HLA-DOA: variants seen among roughly 807,000 people sequenced by gnomAD.
The protein encoded by HLA-DOA is HLA class II histocompatibility antigen, DO alpha chain.
HLA-DOA carries 27 observed loss-of-function variants against 22.9 expected under a neutral mutation model. The observed-to-expected ratio is 1.18, with a 90% CI of 0.87 to 1.62. HLA-DOA has a LOEUF of 1.62. Ranked by LOEUF, HLA-DOA falls within the 40% of genes most tolerant of loss-of-function variation. HLA-DOA has a pLI of 0.00. For synonymous variants in HLA-DOA, 137 were observed against 138.6 expected, an observed-to-expected ratio of 0.99 and a Z score of 0.08; for missense variants, 324 against 332.4, an observed-to-expected ratio of 0.97 and a Z score of 0.20.
chr6:33,007,813 C>A (rs980242896), intron 2 of HLA-DOA, 200 bp downstream of exon 2: 4 of 848,114 alleles, frequency 4.7e-6, no homozygotes, highest in African/African-American at 1.7e-5. Context: ...GGCGGGAGTC[C>A]GGGTGAGAGG....
chr6:33,009,571 C>T lies in HLA-DOA; in HGVS notation c.-35G>A. 6.6e-7 allele frequency: 1 copy of T among 1,514,726 alleles called. No individual in the cohort carries two copies. Among genetic ancestry groups the T allele is most frequent in the Non-Finnish European group, 9.0e-7 (1 of 1,116,900 alleles). The allele number at this position is 1,514,726 out of a possible 1,614,324, so 93.8% of individuals were successfully genotyped here. On this transcript the variant is annotated 5_prime_UTR_variant, in exon 1 of 5. Transcript: ENST00000229829. The surrounding 1 kb of genome is among the most constrained non-coding windows in gnomAD (Gnocchi z 4.8). ...GTGCTTTAATCAAATCAGTCTCAGTCCGTGTGGTGAGGACAGGAACAAGGC... is the reference window on the plus strand; with the variant it reads ...GTGCTTTAATCAAATCAGTCTCAGTTCGTGTGGTGAGGACAGGAACAAGGC...
At position 33,007,103 on chromosome 6, in the gene HLA-DOA, G is replaced by A; in HGVS notation, c.726C>T (p.Gly242=). Residue 242 remains glycine (G), a synonymous_variant, in exon 4 of 5, where the codon GGC becomes GGT. Transcript: ENST00000229829. Reference sequence around the variant, plus strand: ...ACCTGGGGACACTGGACACATATGTGCCCATGATGATGAGGACGGTGCCCA... The same window carrying A: ...ACCTGGGGACACTGGACACATATGTACCCATGATGATGAGGACGGTGCCCA... ...FLVGTVLIIM[G]TYVSSVPR The A allele has an allele frequency of 1.1e-5, 17 of 1,613,522 alleles. No individual in the cohort carries two copies. Among genetic ancestry groups the A allele is most frequent in the Non-Finnish European group, 1.2e-5 (14 of 1,179,856 alleles).
Position 33,008,006 on chromosome 6 carries a change from C to T in HLA-DOA, c.331+7G>A. 1 of 1,608,806 alleles carries T rather than the reference C, an allele frequency of 6.2e-7. No individual in the cohort carries two copies. The highest frequency in any genetic ancestry group is 8.5e-7 in the Non-Finnish European group (1 of 1,177,250). On this transcript the variant is annotated splice_region_variant and intron_variant, in intron 2 of 4. Transcript: ENST00000229829. ...CCTGACTGGGTGGGCAGAGGGAGGG[C>T]CGGTACCGTTGATGGCTCTGCTGCG...
Position 33,006,760 on chromosome 6 carries a change from C to G in HLA-DOA, c.*78G>C. 6.2e-7 allele frequency: 1 copy of G among 1,612,500 alleles called. No homozygotes were observed. ...CACAGCGGGATGCACTTAAAGGGCA[C>G]TGAGCACGCAGGGGCTGTCACAAAC... On this transcript the variant is annotated 3_prime_UTR_variant, in exon 5 of 5. Transcript: ENST00000229829.
Position 33,009,378 on chromosome 6 carries a change from C to T in HLA-DOA, c.82+77G>A, listed in dbSNP as rs1780968395. 6 of 1,036,284 alleles carry T rather than the reference C, an allele frequency of 5.8e-6. No individual in the cohort carries two copies. The South Asian group carries it at 8.4e-5, about 14-fold the overall frequency. 64.2% of individuals were successfully genotyped at this position (1,036,284 alleles called of 1,614,324 possible). On this transcript the variant is annotated intron_variant, in intron 1 of 4. Coordinates refer to ENST00000229829, the MANE Select transcript of HLA-DOA (RefSeq NM_002119.4). This position sits in a 1 kb window ranked among gnomAD's most constrained non-coding sequence, Gnocchi z 4.8. Reference sequence around the variant, plus strand: ...CCAGAGAGCGAGAGGAACAAGCATCCTCCATGCCACCTCCTCATGTAACCC... The same window carrying T: ...CCAGAGAGCGAGAGGAACAAGCATCTTCCATGCCACCTCCTCATGTAACCC...
chr6:33,007,779 G>A lies in HLA-DOA; in HGVS notation c.332-187C>T, dbSNP rs986782637. The A allele has an allele frequency of 6.1e-6, 5 of 826,062 alleles. No individual in the cohort carries two copies. In the African/African-American group the frequency reaches 8.6e-5, roughly 14 times the overall value. 51.2% of individuals were successfully genotyped at this position (826,062 alleles called of 1,614,324 possible). A position where few individuals can be genotyped will look rare whatever the true frequency, so the allele number is the denominator to read the frequency against. On this transcript the variant is annotated intron_variant, in intron 2 of 4. Transcript: ENST00000229829. Reference sequence around the variant, plus strand: ...TGGGGAGGGAGTGGGGACGCCAGGAGCTCCTATATTTGACTGGTCCCTGGG... The same window carrying A: ...TGGGGAGGGAGTGGGGACGCCAGGAACTCCTATATTTGACTGGTCCCTGGG...
In HLA-DOA at chr6:33,007,554, C is replaced by A. The variant is rs1246476416; in HGVS notation, c.370G>T (p.Glu124Ter). 1.9e-6 allele frequency: 3 copies of A among 1,612,718 alleles called. No homozygotes were observed. Among genetic ancestry groups the A allele is most frequent in the Non-Finnish European group, 2.5e-6 (3 of 1,179,922 alleles). The change falls in exon 3 of 5, where the codon GAG (glutamate) becomes TAG (stop). Residue 124 changes from glutamate (E) to a stop codon, truncating the protein, a stop_gained. Transcript: ENST00000229829. LOFTEE classifies it high-confidence loss of function. ...ATGAGGATGTTGGGCTGGCCCAGCT[C>A]CACCCGAGACTTGGGGAGCACGGTC... ...RVTVLPKSRV[E>*]LGQPNILICI...
At chr6:33,007,943 G>A (rs369150) in intron 2 of HLA-DOA, 70 bp downstream of exon 2, 364,237 of 1,538,708 alleles carry the variant, frequency 0.24, 45,439 homozygotes, top group East Asian at 0.33. Context: ...AGTGATGGGA[G>A]CCTAGGAACT....
chr6:33,007,838 G>A (rs927448863), intron 2 of HLA-DOA, 175 bp downstream of exon 2: 5 of 945,182 alleles, frequency 5.3e-6, no homozygotes, highest in Non-Finnish European at 7.7e-6. Context: ...ATTCCTCAAG[G>A]AGAGGGGTGC....
chr6:33,007,924 G>T, intron 2 of HLA-DOA, 89 bp downstream of exon 2: 1 of 1,488,756 alleles, frequency 6.7e-7, no homozygotes, highest in Non-Finnish European at 9.0e-7. Context: ...CGCTGAGAGC[G>T]CGCCCCAGAG....
Position 33,006,672 on chromosome 6 carries a change from A to G in HLA-DOA, c.*166T>C. The G allele has an allele frequency of 9.9e-7, 1 of 1,013,518 alleles. No homozygotes were observed. Among genetic ancestry groups the G allele is most frequent in the Non-Finnish European group, 1.5e-6 (1 of 648,680 alleles). The allele number at this position is 1,013,518 out of a possible 1,614,324, so 62.8% of individuals were successfully genotyped here. A position where few individuals can be genotyped will look rare whatever the true frequency, so the allele number is the denominator to read the frequency against. ...TAGTAGGTGTCCAACAAACCCTGCC[A>G]TGAATACTGGGGCCAAAAAAGAGGG... On this transcript the variant is annotated 3_prime_UTR_variant, in exon 5 of 5. Coordinates refer to ENST00000229829, the MANE Select transcript of HLA-DOA (RefSeq NM_002119.4).
In HLA-DOA at chr6:33,009,341, G is replaced by T; in HGVS notation, c.82+114C>A. 1 of 639,300 alleles carries T rather than the reference G, an allele frequency of 1.6e-6. No homozygotes were observed. The highest frequency in any genetic ancestry group is 2.5e-6 in the Non-Finnish European group (1 of 395,452). 39.6% of individuals were successfully genotyped at this position (639,300 alleles called of 1,614,324 possible). A position where few individuals can be genotyped will look rare whatever the true frequency, so the allele number is the denominator to read the frequency against. ...GATTGGGTGTCTCTTGGTGAAGGAA[G>T]TTGCCCATAAACCAGAGAGCGAGAG... is the stretch of plus-strand genomic sequence containing the variant. On this transcript the variant is annotated intron_variant, in intron 1 of 4. Coordinates refer to ENST00000229829, the MANE Select transcript of HLA-DOA (RefSeq NM_002119.4). The surrounding 1 kb of genome is among the most constrained non-coding windows in gnomAD (Gnocchi z 4.8).
intron 1 of HLA-DOA, among the ~76,000 whole-genome samples, chr6:33,008,708 G>C (rs985263906): frequency 1.2e-4 from 18 of 152,098 alleles, no homozygotes; most frequent in African/African-American, 4.1e-4. Flanking sequence ...AACAGGCCAC[G>C]GCTGGCAGGG....
At chr6:33,006,966 C>G (rs1227590882) in intron 4 of HLA-DOA, 114 bp downstream of exon 4, 1 of 1,483,670 alleles carries the variant, frequency 6.7e-7, no homozygotes, top group Non-Finnish European at 9.3e-7. Flanking sequence ...TTCTCCCTGC[C>G]CATTTCTTTT....
In HLA-DOA at chr6:33,008,108, C is replaced by T. The variant is rs148303384; in HGVS notation, c.236G>A (p.Arg79His). 1.2e-3 allele frequency: 1,950 copies of T among 1,613,056 alleles called. 12 individuals carry two copies. The highest frequency in any genetic ancestry group is 2.2e-3 in the South Asian group (199 of 91,082). The change falls in exon 2 of 5, where the codon CGC becomes CAC. Residue 79 changes from arginine (R) to histidine (H), a missense_variant. Arg to His is a conservative substitution (Grantham distance 29, BLOSUM62 0). Transcript: ENST00000229829. The part of the protein sequence containing the change: ...WRLPEFGDFA[R>H]FDPQGGLAGI... ...GGCCAGCCCGCCCTGCGGGTCAAAG[C>T]GGGCAAAGTCACCAAACTCAGGCAG...
chr6:33,007,332 C>T lies in HLA-DOA; in HGVS notation c.592G>A (p.Ala198Thr), dbSNP rs1285790804. 11 of 1,612,066 alleles carry T rather than the reference C, an allele frequency of 6.8e-6. No homozygotes were observed. Among genetic ancestry groups the T allele is most frequent in the Non-Finnish European group, 9.3e-6 (11 of 1,179,448 alleles). The change falls in exon 3 of 5, where the codon GCG becomes ACG. Residue 198 changes from alanine (A) to threonine (T), a missense_variant. Ala to Thr is a moderately conservative substitution (Grantham distance 58). Transcript: ENST00000229829. ...GTACCCCAATGCCTGAGGAGTGGCG[C>T]ATCCAGGCCCCAGTGCTCCACCTGG... Reference protein sequence around the residue: ...DCQVEHWGLDAPLLRHWELQV... With the variant: ...DCQVEHWGLDTPLLRHWELQV...
chr6:33,006,595 A>C lies in HLA-DOA; in HGVS notation c.*243T>G. ...ACCAAAGCATTTAGTGCTGCCAGCC[A>C]GAGCTTTGGGTAGAGCAAGAATGTG... On this transcript the variant is annotated 3_prime_UTR_variant, in exon 5 of 5. Transcript: ENST00000229829. The C allele has an allele frequency of 1.6e-6, 1 of 628,388 alleles. No individual in the cohort carries two copies. The highest frequency in any genetic ancestry group is 1.8e-5 in the South Asian group (1 of 54,254). The allele number at this position is 628,388 out of a possible 1,614,324, so 38.9% of individuals were successfully genotyped here. A position where few individuals can be genotyped will look rare whatever the true frequency, so the allele number is the denominator to read the frequency against.
intron 1 of HLA-DOA, chr6:33,008,484 T>G: frequency 8.0e-7 from 1 of 1,247,194 alleles, no homozygotes; most frequent in Non-Finnish European, 1.0e-6. Context: ...GACAGTGCAG[T>G]CTGGCATATC....
rs1780969225 is a variant in HLA-DOA, at chr6:33,009,414, A to G, written c.82+41T>C. On this transcript the variant is annotated intron_variant, in intron 1 of 4. Coordinates refer to ENST00000229829, the MANE Select transcript of HLA-DOA (RefSeq NM_002119.4). This position sits in a 1 kb window ranked among gnomAD's most constrained non-coding sequence, Gnocchi z 4.8. The stretch of plus-strand genomic sequence containing the variant: ...CTCCTCATGTAACCCAACTCCGTAA[A>G]TCTCTGCTCCCCGCCGCACCCTCCT... 1 of 1,448,758 alleles carries G rather than the reference A, an allele frequency of 6.9e-7. No homozygotes were observed. Among genetic ancestry groups the G allele is most frequent in the Middle Eastern group, 2.4e-4 (1 of 4,086 alleles). The allele number at this position is 1,448,758 out of a possible 1,614,324, so 89.7% of individuals were successfully genotyped here. A position where few individuals can be genotyped will look rare whatever the true frequency, so the allele number is the denominator to read the frequency against.
Sources: gnomAD v4.1 joint callset for allele counts (sites outside exome capture counted in the v4.1 genomes callset) on GRCh38, gnomAD v4.1.1 for gene constraint, Gnocchi (gnomAD v3.1) non-coding constraint, MANE v1.5 for transcripts, NCBI Gene and HGNC (gene_info 2026-07-23, HGNC 2026-07-21) for gene names.